The following MEIS1 variants were observed in gnomAD, a reference collection of about 807,000 sequenced individuals.
MEIS1 encodes the protein homeobox protein Meis1.
MEIS1 carries 5 observed loss-of-function variants against 50.8 expected under a neutral mutation model. The ratio of observed to expected loss-of-function variants is 0.10; its 90% CI spans 0.05 to 0.21. The LOEUF is 0.21. Ranked by LOEUF, MEIS1 falls within the 10% of genes least tolerant of loss-of-function variation. The pLI is 1.00. For synonymous variants in MEIS1, 176 were observed against 179.3 expected, an observed-to-expected ratio of 0.98 and a Z score of 0.15; for missense variants, 318 against 517.3, an observed-to-expected ratio of 0.61 and a Z score of 3.74.
chr2:66,534,444 G>A lies in MEIS1; in HGVS notation c.889-13499G>A, dbSNP rs183810708. Among the ~76,000 whole-genome samples the A allele has an allele frequency of 2.0e-4, 30 of 152,218 alleles. 1 individual carries two copies. Among genetic ancestry groups the A allele is most frequent in the African/African-American group, 4.3e-4 (18 of 41,530 alleles). On this transcript the variant is annotated intron_variant, in intron 8 of 12. Coordinates refer to ENST00000272369, the MANE Select transcript of MEIS1 (RefSeq NM_002398.3). ...AGCTACTTGAGAGGCTGAGGCAGGA[G>A]GATTGCTTGAACCTGGGAGGCAGAG...
At chr2:66,507,952 C>T (rs114306124) in intron 7 of MEIS1, among the ~76,000 whole-genome samples, 220 of 152,314 alleles carry the variant, frequency 1.4e-3, no homozygotes, top group Non-Finnish European at 2.5e-3. Flanking sequence ...AGAAATTGTC[C>T]GTAGACGAAT....
intron 9 of MEIS1, among the ~76,000 whole-genome samples, chr2:66,553,175 A>G (rs569330890): frequency 6.6e-6 from 1 of 152,340 alleles, no homozygotes; most frequent in Non-Finnish European, 1.5e-5. Context: ...ACAGCTTCAC[A>G]CATAGAAAGT....
chr2:66,540,714 C>T (rs530754665), intron 8 of MEIS1, among the ~76,000 whole-genome samples: 6 of 152,104 alleles, frequency 3.9e-5, no homozygotes, highest in Admixed American at 1.3e-4. Flanking sequence ...GCATCCTTCA[C>T]GAATGTTAAT....
chr2:66,460,675 A>G (rs1025900238), intron 6 of MEIS1, among the ~76,000 whole-genome samples: 2 of 152,232 alleles, frequency 1.3e-5, no homozygotes, highest in African/African-American at 4.8e-5. Context: ...ATAACAAGTT[A>G]GAGTGTACAT....
At chr2:66,439,428 C>A in intron 2 of MEIS1, 1 of 1,310,062 alleles carries the variant, frequency 7.6e-7, no homozygotes, top group Non-Finnish European at 9.7e-7. Flanking sequence ...AGGAGGAACC[C>A]GCAGGAACCA....
At chr2:66,454,453 A>G (rs1329336021) in intron 6 of MEIS1, among the ~76,000 whole-genome samples, 2 of 152,054 alleles carry the variant, frequency 1.3e-5, no homozygotes, top group African/African-American at 4.8e-5. Context: ...CTAGGGTAAA[A>G]TTCAAATAAC....
rs11902020 is a variant in MEIS1 at position 66,563,574 on chromosome 2, T to C, written c.966-3879T>C. On this transcript the variant is annotated intron_variant, in intron 9 of 12. Transcript: ENST00000272369. ...GGTTCGGTGTTTAGAGAATTCTTGA[T>C]AATTTAGACTCTTCCACAATGAAAA... 6.6e-3 allele frequency among the ~76,000 whole-genome samples: 1,002 copies of C among 152,300 alleles called. 17 individuals are homozygous for C. Among genetic ancestry groups the C allele is most frequent in the African/African-American group, 0.023 (947 of 41,572 alleles).
chr2:66,482,282 AC>A (rs549755880), intron 7 of MEIS1, among the ~76,000 whole-genome samples: 323 of 152,112 alleles, frequency 2.1e-3, no homozygotes, highest in African/African-American at 7.1e-3. Context: ...AAATGTGCCC[AC>A]CCTCGTTCAT....
intron 7 of MEIS1, among the ~76,000 whole-genome samples, chr2:66,482,284 C>T (rs1673036098): frequency 1.3e-5 from 2 of 151,284 alleles, no homozygotes; most frequent in Admixed American, 1.3e-4. Flanking sequence ...ATGTGCCCAC[C>T]CTCGTTCATT....
Position 66,571,640 on chromosome 2 carries a change from T to A in MEIS1, c.*432T>A. Reference sequence around the variant, plus strand: ...TCTACTCTGGACCAAGGAGCATCCCTAATTCTTCATAGGGACCTTTAAAAA... The same window carrying A: ...TCTACTCTGGACCAAGGAGCATCCCAAATTCTTCATAGGGACCTTTAAAAA... On this transcript the variant is annotated 3_prime_UTR_variant, in exon 13 of 13. Transcript: ENST00000272369. The A allele has an allele frequency of 7.8e-7, 1 of 1,276,558 alleles. No individual in the cohort carries two copies. Among genetic ancestry groups the A allele is most frequent in the Non-Finnish European group, 1.1e-6 (1 of 921,280 alleles). The allele number at this position is 1,276,558 out of a possible 1,614,324, so 79.1% of individuals were successfully genotyped here. A position where few individuals can be genotyped will look rare whatever the true frequency, so the allele number is the denominator to read the frequency against.
At chr2:66,491,748 A>G (rs1397754105) in intron 7 of MEIS1, among the ~76,000 whole-genome samples, 5 of 152,212 alleles carry the variant, frequency 3.3e-5, no homozygotes, top group Non-Finnish European at 5.9e-5. Context: ...CTTGACAGCC[A>G]TTTAAAATGC....
intron 8 of MEIS1, among the ~76,000 whole-genome samples, chr2:66,524,603 G>T (rs1674204160): frequency 6.6e-6 from 1 of 151,866 alleles, no homozygotes; most frequent in South Asian, 2.1e-4. Context: ...AAAAAAAGGT[G>T]ATATTGTGAT....
intron 7 of MEIS1, among the ~76,000 whole-genome samples, chr2:66,495,717 CAG>C (rs1207867742): frequency 6.6e-6 from 1 of 152,162 alleles, no homozygotes; most frequent in Non-Finnish European, 1.5e-5. Context: ...CTCAGCAACA[CAG>C]AGCCACTGAG....
In MEIS1 at chr2:66,572,254, T is replaced by C. The variant is rs1675502930; in HGVS notation, c.*1046T>C. 1 of 152,194 alleles carries C rather than the reference T, an allele frequency of 6.6e-6. No individual in the cohort carries two copies. The highest frequency in any genetic ancestry group is 6.5e-5 in the Admixed American group (1 of 15,280). 9.4% of individuals were successfully genotyped at this position (152,194 alleles called of 1,614,324 possible). On this transcript the variant is annotated 3_prime_UTR_variant, in exon 13 of 13. Coordinates refer to ENST00000272369, the MANE Select transcript of MEIS1 (RefSeq NM_002398.3). Reference sequence around the variant, plus strand: ...AGCCTAATTGTCACATCAAGCATCATTGTCCCCATGCAACAACCACCACCT... The same window carrying C: ...AGCCTAATTGTCACATCAAGCATCACTGTCCCCATGCAACAACCACCACCT...
intron 7 of MEIS1, among the ~76,000 whole-genome samples, chr2:66,483,129 A>G (rs983945993): frequency 1.3e-5 from 2 of 151,958 alleles, no homozygotes; most frequent in African/African-American, 2.4e-5. Context: ...TCATTACCAC[A>G]TCATCATTAT....
intron 7 of MEIS1, among the ~76,000 whole-genome samples, chr2:66,492,549 TGGCTGGTTTCAGAAGGAGAA>T (rs1246461004): frequency 6.6e-6 from 1 of 152,230 alleles, no homozygotes; most frequent in Non-Finnish European, 1.5e-5. Context: ...TGCTCTCATC[TGGCTGGTTTCAGAAGGAGAA>T]GGATGTCAGG....
intron 9 of MEIS1, among the ~76,000 whole-genome samples, chr2:66,550,949 G>A (rs1421521445): frequency 6.6e-6 from 1 of 152,062 alleles, no homozygotes; most frequent in African/African-American, 2.4e-5. Context: ...TTAAACATCT[G>A]TGTCTTCCTT....
At chr2:66,510,019 A>C (rs1673787480) in intron 7 of MEIS1, among the ~76,000 whole-genome samples, 1 of 152,184 alleles carries the variant, frequency 6.6e-6, no homozygotes, top group Admixed American at 6.5e-5. Context: ...TGGTGAAAAC[A>C]GTATTGTAAG....
intron 9 of MEIS1, among the ~76,000 whole-genome samples, chr2:66,553,483 C>G (rs1020370662): frequency 6.6e-6 from 1 of 152,132 alleles, no homozygotes; most frequent in Non-Finnish European, 1.5e-5. Context: ...AAAATACTGT[C>G]TAGTTGCTCA....
Sources: allele counts gnomAD v4.1 joint callset (sites outside exome capture counted in the v4.1 genomes callset), GRCh38; gene constraint gnomAD v4.1.1; transcripts MANE v1.5; gene names NCBI Gene and HGNC (gene_info 2026-07-23, HGNC 2026-07-21).